Variants in PDZRN4 observed in about 807,000 individuals in gnomAD.
The protein encoded by PDZRN4 is PDZ domain containing ring finger 4.
In PDZRN4, 70 loss-of-function variants were observed where a neutral mutation model predicts 99.0. The observed-to-expected ratio is 0.71, with a 90% CI of 0.58 to 0.86. The LOEUF (loss-of-function observed/expected upper bound fraction) is 0.86, where lower values mean the gene tolerates loss of function less well. Ranked by LOEUF, PDZRN4 falls within the 40% of genes least tolerant of loss-of-function variation. PDZRN4 has a pLI of 0.00. For synonymous variants in PDZRN4, 551 were observed against 501.6 expected (o/e 1.10, Z -1.32); for missense variants, 1,474 against 1,331.2 (o/e 1.11, Z -1.67).
intron 3 of PDZRN4, among the ~76,000 whole-genome samples, chr12:41,277,919 G>C (rs114522440): frequency 6.6e-6 from 1 of 152,184 alleles, no homozygotes; most frequent in African/African-American, 2.4e-5. Context: ...AGTGAAAGGT[G>C]ATGTGGAATA....
At chr12:41,286,921 G>A (rs1951426275) in intron 3 of PDZRN4, among the ~76,000 whole-genome samples, 1 of 151,908 alleles carries the variant, frequency 6.6e-6, no homozygotes, top group Non-Finnish European at 1.5e-5. Context: ...TGGTCTTTAT[G>A]TTACCTAGGC....
chr12:41,448,639 A>AT (rs1484052522), intron 3 of PDZRN4, among the ~76,000 whole-genome samples: 2 of 152,142 alleles, frequency 1.3e-5, no homozygotes, highest in Non-Finnish European at 2.9e-5. Flanking sequence ...CCAAGGAAAC[A>AT]TTTTGTTATT....
At chr12:41,392,571 A>G (rs536329578) in intron 3 of PDZRN4, among the ~76,000 whole-genome samples, 26 of 152,292 alleles carry the variant, frequency 1.7e-4, no homozygotes, top group Admixed American at 1.3e-3. Context: ...ACTTGTGTTC[A>G]CACCATTATT....
intron 3 of PDZRN4, among the ~76,000 whole-genome samples, chr12:41,280,080 G>C (rs897104824): frequency 2.0e-5 from 3 of 152,112 alleles, no homozygotes; most frequent in African/African-American, 7.2e-5. Context: ...GAAGCAGGGT[G>C]GGGTGTCGCC....
At chr12:41,259,290 T>C (rs1290292254) in intron 3 of PDZRN4, among the ~76,000 whole-genome samples, 1 of 151,162 alleles carries the variant, frequency 6.6e-6, no homozygotes. Flanking sequence ...TAAAGAAGAG[T>C]CAGAGAGACA....
intron 3 of PDZRN4, among the ~76,000 whole-genome samples, chr12:41,450,809 T>G (rs1952768442): frequency 6.6e-6 from 1 of 152,112 alleles, no homozygotes; most frequent in African/African-American, 2.4e-5. Context: ...ATGCCTTTAC[T>G]TTCAGCTACG....
At chr12:41,374,158 C>T (rs1435075113) in intron 3 of PDZRN4, among the ~76,000 whole-genome samples, 2 of 84,114 alleles carry the variant, frequency 2.4e-5, no homozygotes, top group South Asian at 3.7e-4. Flanking sequence ...TGTGAAAATG[C>T]CTGAGGTACA....
intron 5 of PDZRN4, among the ~76,000 whole-genome samples, chr12:41,531,208 T>G (rs565910846): frequency 3.9e-5 from 6 of 152,206 alleles, no homozygotes; most frequent in African/African-American, 1.4e-4. Context: ...AAGGTTTTAT[T>G]GAGTGGAAGT....
chr12:41,473,159 T>C (rs975533923), intron 3 of PDZRN4, among the ~76,000 whole-genome samples: 9 of 151,930 alleles, frequency 5.9e-5, no homozygotes, highest in African/African-American at 2.2e-4. Context: ...CCCTATGAAA[T>C]CACCATTTTT....
intron 3 of PDZRN4, among the ~76,000 whole-genome samples, chr12:41,357,692 C>T (rs953157249): frequency 4.6e-5 from 7 of 151,956 alleles, no homozygotes; most frequent in African/African-American, 1.7e-4. Context: ...ATAATGCATG[C>T]AACTTTTTGA....
chr12:41,288,728 C>T (rs755352076), intron 3 of PDZRN4, among the ~76,000 whole-genome samples: 2 of 152,112 alleles, frequency 1.3e-5, no homozygotes, highest in Non-Finnish European at 2.9e-5. Context: ...CAATGGCCGT[C>T]GGTTCACCAT....
At chr12:41,242,237 A>G (rs1458471635) in intron 3 of PDZRN4, among the ~76,000 whole-genome samples, 1 of 152,228 alleles carries the variant, frequency 6.6e-6, no homozygotes, top group East Asian at 1.9e-4. Context: ...TATTGAAAAG[A>G]AGATGTCATA....
intron 3 of PDZRN4, among the ~76,000 whole-genome samples, chr12:41,374,188 T>A (rs1163853764): frequency 6.7e-6 from 1 of 149,728 alleles, no homozygotes; most frequent in Non-Finnish European, 1.5e-5. Flanking sequence ...ATAACATGTG[T>A]GGGGTGGAGC....
chr12:41,333,702 C>A (rs1951754124), intron 3 of PDZRN4, among the ~76,000 whole-genome samples: 1 of 152,080 alleles, frequency 6.6e-6, no homozygotes, highest in South Asian at 2.1e-4. Flanking sequence ...AGCATTCCAC[C>A]AGAAAATTTC....
chr12:41,512,350 TAA>T (rs571222849), intron 5 of PDZRN4, among the ~76,000 whole-genome samples: 134 of 152,042 alleles, frequency 8.8e-4, no homozygotes, highest in African/African-American at 2.5e-3. Context: ...TGGAAAATAA[TAA>T]GAGTGGTGTT....
chr12:41,540,435 C>A (rs1319696441), intron 5 of PDZRN4, among the ~76,000 whole-genome samples: 2 of 152,094 alleles, frequency 1.3e-5, no homozygotes, highest in African/African-American at 2.4e-5. Context: ...AAAAGGATTT[C>A]TTTCTTTGAT....
At chr12:41,351,408 G>C (rs1951888720) in intron 3 of PDZRN4, among the ~76,000 whole-genome samples, 2 of 152,050 alleles carry the variant, frequency 1.3e-5, no homozygotes, top group Admixed American at 6.6e-5. Context: ...GTTCGTTCTT[G>C]CACTGCTATG....
chr12:41,301,767 G>C (rs1051864459), intron 3 of PDZRN4, among the ~76,000 whole-genome samples: 1 of 151,968 alleles, frequency 6.6e-6, no homozygotes, highest in Admixed American at 6.6e-5. Flanking sequence ...AGGATGCCTG[G>C]CACCAAAATA....
intron 3 of PDZRN4, among the ~76,000 whole-genome samples, chr12:41,406,247 C>A (rs1483038717): frequency 1.3e-5 from 2 of 151,880 alleles, no homozygotes; most frequent in African/African-American, 4.8e-5. Flanking sequence ...TTAATTTCCA[C>A]AGTGTTTACT....
Sources: allele counts gnomAD v4.1 joint callset (sites outside exome capture counted in the v4.1 genomes callset), GRCh38; gene constraint gnomAD v4.1.1; transcripts MANE v1.5; gene names NCBI Gene and HGNC (gene_info 2026-07-23, HGNC 2026-07-21).